Variants in LRRC37A observed in about 807,000 individuals in gnomAD.
LRRC37A encodes the protein leucine-rich repeat-containing protein 37A.
LRRC37A carries 3 observed loss-of-function variants against 35.4 expected under a neutral mutation model. The observed-to-expected ratio is 0.08, with a 90% CI of 0.04 to 0.22. LRRC37A has a LOEUF of 0.22. LRRC37A is among the 10% of genes least tolerant of loss of function. The pLI is 1.00. For synonymous variants in LRRC37A, 23 were observed against 215.0 expected, an observed-to-expected ratio of 0.11 and a Z score of 7.81; for missense variants, 67 against 565.3, an observed-to-expected ratio of 0.12 and a Z score of 8.94.
At chr17:46,258,776 G>A in the LRRC37A span, among the ~76,000 whole-genome samples, 9 of 99,890 alleles carry the variant, frequency 9.0e-5, no homozygotes, top group African/African-American at 2.2e-4. Context: ...GTGCAGTTGT[G>A]CAATCTTGGC....
chr17:46,267,982 C>G, the LRRC37A span, among the ~76,000 whole-genome samples: 1 of 148,580 alleles, frequency 6.7e-6, no homozygotes, highest in Non-Finnish European at 1.5e-5. Flanking sequence ...CTCACTGCAA[C>G]CTCCGTCCCC....
chr17:46,279,788 C>G, the LRRC37A span, among the ~76,000 whole-genome samples: 7 of 152,230 alleles, frequency 4.6e-5, no homozygotes, highest in African/African-American at 7.2e-5. Flanking sequence ...AACCACCATT[C>G]CCAGCCAACA....
chr17:46,256,863 G>A, the LRRC37A span, among the ~76,000 whole-genome samples: 4 of 152,096 alleles, frequency 2.6e-5, no homozygotes, highest in South Asian at 2.1e-4. Context: ...AGAACCCTTC[G>A]AAAGGGGATT....
chr17:46,286,767 A>G, the LRRC37A span, among the ~76,000 whole-genome samples: 2 of 152,286 alleles, frequency 1.3e-5, no homozygotes, highest in Non-Finnish European at 2.9e-5. Context: ...TTCCTAAATT[A>G]TTAAATGTGA....
the LRRC37A span, among the ~76,000 whole-genome samples, chr17:46,257,513 A>T: frequency 4.8e-4 from 73 of 151,128 alleles, no homozygotes; most frequent in Admixed American, 1.3e-3. Context: ...AATAAAATTT[A>T]AAAAAGATTT....
the LRRC37A span, among the ~76,000 whole-genome samples, chr17:46,269,161 A>T: frequency 6.6e-6 from 1 of 152,236 alleles, no homozygotes; most frequent in Non-Finnish European, 1.5e-5. Context: ...CGCACTAGTC[A>T]AAAGACATTT....
At chr17:46,270,758 T>C in the LRRC37A span, among the ~76,000 whole-genome samples, 1 of 152,278 alleles carries the variant, frequency 6.6e-6, no homozygotes, top group East Asian at 1.9e-4. Context: ...AATACAAAAA[T>C]TAGCTGGGCA....
At chr17:46,283,778 T>G in the LRRC37A span, among the ~76,000 whole-genome samples, 2 of 152,182 alleles carry the variant, frequency 1.3e-5, no homozygotes. Flanking sequence ...CTGAGTTCCC[T>G]TCATATTTAT....
chr17:46,291,863 A>G (rs952754461), upstream of LRRC37A, among the ~76,000 whole-genome samples: 1 of 150,570 alleles, frequency 6.6e-6, no homozygotes, highest in African/African-American at 2.4e-5. Flanking sequence ...TGGGAACCTG[A>G]GGCGGAAGGA....
At chr17:46,287,697 G>T in the LRRC37A span, among the ~76,000 whole-genome samples, 1 of 152,256 alleles carries the variant, frequency 6.6e-6, no homozygotes, top group African/African-American at 2.4e-5. Context: ...AACGGGTAGG[G>T]AACGTGGAAG....
At chr17:46,257,036 C>T in the LRRC37A span, among the ~76,000 whole-genome samples, 17,418 of 148,372 alleles carry the variant, frequency 0.12, no homozygotes, top group Non-Finnish European at 0.18. Flanking sequence ...GCGGTTTTGG[C>T]ATCCTGTAAT....
At chr17:46,259,298 T>G in the LRRC37A span, among the ~76,000 whole-genome samples, 14,919 of 137,612 alleles carry the variant, frequency 0.11, 837 homozygotes, top group East Asian at 0.3. Flanking sequence ...GGAATGGCCA[T>G]GGAAGATAAC....
chr17:46,321,378 AAAT>A (rs2051362723), intron 5 of LRRC37A, among the ~76,000 whole-genome samples: 1 of 67,918 alleles, frequency 1.5e-5, no homozygotes, highest in South Asian at 4.4e-4. Flanking sequence ...AAAAAAAAAA[AAAT>A]GTGGTCTCTG....
the LRRC37A span, among the ~76,000 whole-genome samples, chr17:46,259,395 A>G: frequency 3.3e-5 from 5 of 152,188 alleles, no homozygotes; most frequent in Non-Finnish European, 2.9e-5. Flanking sequence ...CCCAGGTGCC[A>G]TAGGTCCCTG....
chr17:46,291,417 A>T (rs2050062969), upstream of LRRC37A, among the ~76,000 whole-genome samples: 2 of 152,144 alleles, frequency 1.3e-5, no homozygotes, highest in South Asian at 4.1e-4. Flanking sequence ...ATGCAGAAGG[A>T]GGAAGTGGTG....
chr17:46,259,627 A>T, the LRRC37A span: 5 of 1,602,620 alleles, frequency 3.1e-6, no homozygotes, highest in Non-Finnish European at 4.3e-6. Flanking sequence ...TGCCTGCAGC[A>T]GCCCTACAGA....
the LRRC37A span, among the ~76,000 whole-genome samples, chr17:46,283,538 C>A: frequency 6.6e-6 from 1 of 152,218 alleles, no homozygotes; most frequent in Non-Finnish European, 1.5e-5. Flanking sequence ...GATTTCTGCT[C>A]TAGTAATAAG....
the LRRC37A span, among the ~76,000 whole-genome samples, chr17:46,267,897 T>C: frequency 1.9e-5 from 2 of 104,092 alleles, no homozygotes; most frequent in Non-Finnish European, 5.0e-5. Flanking sequence ...CCACATCTTT[T>C]TTTTTTTTTT....
the LRRC37A span, among the ~76,000 whole-genome samples, chr17:46,249,497 C>A: frequency 6.6e-6 from 1 of 152,192 alleles, no homozygotes; most frequent in Non-Finnish European, 1.5e-5. Context: ...CTTCCGGAAA[C>A]ACACTCTTTC....
Sources: gnomAD v4.1 joint callset for allele counts (sites outside exome capture counted in the v4.1 genomes callset) on GRCh38, gnomAD v4.1.1 for gene constraint, MANE v1.5 for transcripts, NCBI Gene and HGNC (gene_info 2026-07-23, HGNC 2026-07-21) for gene names.